Variants in CADM2 observed in about 807,000 individuals in gnomAD.
CADM2 encodes cell adhesion molecule 2.
CADM2 carries 12 observed loss-of-function variants against 49.8 expected under a neutral mutation model. The ratio of observed to expected loss-of-function variants is 0.24; its 90% CI spans 0.15 to 0.39. CADM2 has a LOEUF of 0.39. Ranked by LOEUF, CADM2 falls within the 10% of genes least tolerant of loss-of-function variation. The pLI is 1.00. For synonymous variants in CADM2, 214 were observed against 175.4 expected (o/e 1.22, Z -1.74); for missense variants, 378 against 492.3 (o/e 0.77, Z 2.20).
At chr3:85,247,589 A>G (rs1468340691) in intron 1 of CADM2, among the ~76,000 whole-genome samples, 2 of 152,214 alleles carry the variant, frequency 1.3e-5, no homozygotes, top group Non-Finnish European at 2.9e-5. Flanking sequence ...ATAAATGATT[A>G]TAAATTAGGT....
intron 1 of CADM2, among the ~76,000 whole-genome samples, chr3:85,222,108 G>C (rs1368749952): frequency 6.6e-6 from 1 of 152,080 alleles, no homozygotes; most frequent in Non-Finnish European, 1.5e-5. Context: ...TTGTATTTTG[G>C]TTAAATGTAT....
chr3:84,971,965 G>A (rs1198519611), intron 1 of CADM2, among the ~76,000 whole-genome samples: 1 of 152,024 alleles, frequency 6.6e-6, no homozygotes, highest in African/African-American at 2.4e-5. Flanking sequence ...TAGTGAGATT[G>A]GTCTGGTGCA....
intron 1 of CADM2, among the ~76,000 whole-genome samples, chr3:85,531,710 C>G (rs1381359248): frequency 2.6e-5 from 4 of 151,676 alleles, no homozygotes; most frequent in Admixed American, 6.6e-5. Context: ...GTTATTTTCC[C>G]CCAGTCTAAA....
intron 1 of CADM2, among the ~76,000 whole-genome samples, chr3:85,511,189 C>A (rs2040601643): frequency 6.6e-6 from 1 of 152,000 alleles, no homozygotes; most frequent in Non-Finnish European, 1.5e-5. Flanking sequence ...GCTACTTTCT[C>A]AAATTGGATA....
At chr3:85,742,746 A>T (rs984635864) in intron 2 of CADM2, among the ~76,000 whole-genome samples, 1 of 152,186 alleles carries the variant, frequency 6.6e-6, no homozygotes, top group Admixed American at 6.5e-5. Context: ...TTAGCATTTC[A>T]GGTGGCAATC....
At chr3:86,051,506 A>G (rs1480264405) in intron 8 of CADM2, among the ~76,000 whole-genome samples, 1 of 152,122 alleles carries the variant, frequency 6.6e-6, no homozygotes, top group Non-Finnish European at 1.5e-5. Flanking sequence ...TAGGTATTCT[A>G]TAGAAATGTC....
At chr3:85,147,275 C>CAAAAAAAAAA (rs759888985) in intron 1 of CADM2, among the ~76,000 whole-genome samples, 36 of 46,004 alleles carry the variant, frequency 7.8e-4, no homozygotes, top group African/African-American at 1.6e-3. Context: ...GACTCTGTCT[C>CAAAAAAAAAA]AAAAAAAAAA....
intron 3 of CADM2, among the ~76,000 whole-genome samples, chr3:85,875,636 A>T (rs1483846003): frequency 6.6e-6 from 1 of 152,150 alleles, no homozygotes; most frequent in South Asian, 2.1e-4. Flanking sequence ...AGAGATTTCA[A>T]CTGAAAAAAA....
intron 3 of CADM2, among the ~76,000 whole-genome samples, chr3:85,830,315 T>A (rs1252565844): frequency 3.9e-5 from 6 of 151,980 alleles, no homozygotes; most frequent in Non-Finnish European, 8.8e-5. Context: ...CATTTGTAGG[T>A]CTGCTTTGGA....
chr3:85,846,162 G>A (rs906201195), intron 3 of CADM2, among the ~76,000 whole-genome samples: 2 of 152,120 alleles, frequency 1.3e-5, no homozygotes, highest in African/African-American at 4.8e-5. Flanking sequence ...AACACACAGG[G>A]TCATAAGAAT....
At chr3:85,910,847 A>G (rs923479994) in intron 5 of CADM2, among the ~76,000 whole-genome samples, 1 of 152,004 alleles carries the variant, frequency 6.6e-6, no homozygotes, top group Admixed American at 6.6e-5. Context: ...TGTTTATTTT[A>G]TTTCTATCTT....
chr3:85,887,602 G>A (rs772313008), intron 5 of CADM2, among the ~76,000 whole-genome samples: 1 of 151,760 alleles, frequency 6.6e-6, no homozygotes, highest in Admixed American at 6.6e-5. Context: ...TGATCACTAC[G>A]CTTGCCTTAG....
At chr3:85,816,901 T>G (rs1037327213) in intron 3 of CADM2, among the ~76,000 whole-genome samples, 1 of 152,216 alleles carries the variant, frequency 6.6e-6, no homozygotes, top group Non-Finnish European at 1.5e-5. Flanking sequence ...ACTAAATGTT[T>G]TTTCACCCTC....
At chr3:85,432,712 A>T (rs535922196) in intron 1 of CADM2, among the ~76,000 whole-genome samples, 2 of 152,166 alleles carry the variant, frequency 1.3e-5, no homozygotes, top group African/African-American at 2.4e-5. Flanking sequence ...TGTCAGTAAC[A>T]TATATTTTCT....
chr3:85,560,545 A>G (rs1440905628), intron 1 of CADM2, among the ~76,000 whole-genome samples: 2 of 152,218 alleles, frequency 1.3e-5, no homozygotes, highest in African/African-American at 4.8e-5. Flanking sequence ...GACATTCCAC[A>G]TGGAGGAAGT....
intron 1 of CADM2, among the ~76,000 whole-genome samples, chr3:85,484,504 G>A (rs1251905547): frequency 5.9e-5 from 9 of 151,762 alleles, no homozygotes; most frequent in African/African-American, 2.2e-4. Flanking sequence ...AATTAAATTT[G>A]TATTCTATAT....
intron 1 of CADM2, among the ~76,000 whole-genome samples, chr3:85,156,493 A>C (rs573178397): frequency 3.3e-5 from 5 of 152,336 alleles, no homozygotes; most frequent in East Asian, 1.9e-4. Flanking sequence ...ATAGCTTACC[A>C]ACCAAAAAGA....
chr3:85,680,255 A>G (rs1057205597), intron 1 of CADM2, among the ~76,000 whole-genome samples: 1 of 152,100 alleles, frequency 6.6e-6, no homozygotes, highest in African/African-American at 2.4e-5. Flanking sequence ...TCTGATTAAT[A>G]TATATATTTG....
At chr3:85,990,013 CAA>C (rs58178176) in intron 8 of CADM2, among the ~76,000 whole-genome samples, 381 of 9,518 alleles carry the variant, frequency 0.04, no homozygotes, top group African/African-American at 0.089. Flanking sequence ...ACTCCATGTC[CAA>C]AAAAAAAAAA....
Sources: gnomAD v4.1 joint callset for allele counts (sites outside exome capture counted in the v4.1 genomes callset) on GRCh38, gnomAD v4.1.1 for gene constraint, MANE v1.5 for transcripts, NCBI Gene and HGNC (gene_info 2026-07-23, HGNC 2026-07-21) for gene names.